The following SLC37A3 variants were observed in gnomAD, a reference collection of about 807,000 sequenced individuals.
SLC37A3 encodes the protein solute carrier family 37 member 3.
SLC37A3 carries 51 observed loss-of-function variants against 67.1 expected under a neutral mutation model. The observed-to-expected ratio is 0.76, with a 90% CI of 0.61 to 0.96. The LOEUF (loss-of-function observed/expected upper bound fraction) is 0.96, where lower values mean the gene tolerates loss of function less well. Among genes scored for constraint, SLC37A3 ranks in the 40% least tolerant of loss-of-function variants. The pLI, the probability that SLC37A3 is intolerant of heterozygous loss-of-function variation, is 0.00. For missense variants in SLC37A3, 508 were observed against 603.0 expected, an observed-to-expected ratio of 0.84 and a Z score of 1.65; for synonymous variants, 214 against 231.4, an observed-to-expected ratio of 0.92 and a Z score of 0.68.
chr7:140,394,435 T>C (rs570388554), intron 1 of SLC37A3, among the ~76,000 whole-genome samples: 46 of 151,758 alleles, frequency 3.0e-4, no homozygotes, highest in African/African-American at 9.9e-4. Flanking sequence ...CTTGGCAACA[T>C]AGGGAGACCT....
chr7:140,367,710 A>G (rs1360148058), intron 4 of SLC37A3, among the ~76,000 whole-genome samples: 2 of 152,104 alleles, frequency 1.3e-5, no homozygotes, highest in Non-Finnish European at 2.9e-5. Context: ...CATCCACCAC[A>G]GCTGTTCCTA....
Position 140,346,016 on chromosome 7 carries a change from C to T in SLC37A3, c.1025-46G>A, listed in dbSNP as rs746002379. On this transcript the variant is annotated intron_variant, in intron 10 of 14. Coordinates refer to ENST00000326232, the MANE Select transcript of SLC37A3 (RefSeq NM_207113.3). ...AATCAAAATCACTTCTAATTTAGCT[C>T]GCTCACCTGAGGCGTGCTCCCCATT... The T allele has an allele frequency of 3.7e-5, 53 of 1,424,216 alleles. 1 individual carries two copies. The highest frequency in any genetic ancestry group is 2.2e-4 in the South Asian group (19 of 87,152). The allele number at this position is 1,424,216 out of a possible 1,614,324, so 88.2% of individuals were successfully genotyped here. A position where few individuals can be genotyped will look rare whatever the true frequency, so the allele number is the denominator to read the frequency against.
chr7:140,375,894 C>T (rs978462461), intron 3 of SLC37A3, among the ~76,000 whole-genome samples: 3 of 152,214 alleles, frequency 2.0e-5, no homozygotes. Flanking sequence ...CAATTTGGGG[C>T]CCTAAATGTC....
intron 13 of SLC37A3, 61 bp from the exon 14 acceptor site, chr7:140,337,410 T>A: frequency 7.3e-7 from 1 of 1,363,422 alleles, no homozygotes; most frequent in Non-Finnish European, 1.0e-6. Flanking sequence ...AGGAAGCAGC[T>A]AAAAAGTAGA....
chr7:140,360,088 G>A (rs1797206077), intron 5 of SLC37A3, among the ~76,000 whole-genome samples: 1 of 152,144 alleles, frequency 6.6e-6, no homozygotes, highest in Non-Finnish European at 1.5e-5. Flanking sequence ...GACTTGTGCC[G>A]GTAATTCCAG....
intron 6 of SLC37A3, among the ~76,000 whole-genome samples, chr7:140,358,024 C>G (rs1308555344): frequency 6.6e-6 from 1 of 151,942 alleles, no homozygotes; most frequent in Non-Finnish European, 1.5e-5. Context: ...TGCAGTGAGC[C>G]GAGATCACCC....
intron 7 of SLC37A3, among the ~76,000 whole-genome samples, chr7:140,354,192 C>G (rs575554259): frequency 6.6e-6 from 1 of 152,196 alleles, no homozygotes; most frequent in Non-Finnish European, 1.5e-5. Context: ...AATAAAGAAT[C>G]TTGTAGATGC....
chr7:140,375,693 TA>T (rs1330977508), intron 3 of SLC37A3, among the ~76,000 whole-genome samples: 1 of 152,098 alleles, frequency 6.6e-6, no homozygotes, highest in African/African-American at 2.4e-5. Context: ...TAACAAAAAA[TA>T]AAATCCCCAA....
intron 13 of SLC37A3, among the ~76,000 whole-genome samples, chr7:140,342,342 A>G (rs1289053572): frequency 1.3e-5 from 2 of 152,166 alleles, no homozygotes; most frequent in African/African-American, 4.8e-5. Context: ...AGCCTAAAAG[A>G]CAAATCCTTC....
Position 140,394,098 on chromosome 7 carries a change from T to C in SLC37A3, c.-71+4318A>G, listed in dbSNP as rs1305723025. 2.6e-5 allele frequency among the ~76,000 whole-genome samples: 4 copies of C among 151,864 alleles called. No individual in the cohort carries two copies. The East Asian group carries it at 5.8e-4, about 22-fold the overall frequency. On this transcript the variant is annotated intron_variant, in intron 1 of 14. Transcript: ENST00000326232. ...AGGCGGGAGGATCGCTTGAACCCGG[T>C]AGGTGGAGACTGAAGTGAGCCAAGG...
intron 1 of SLC37A3, among the ~76,000 whole-genome samples, chr7:140,389,521 T>C (rs1298493788): frequency 6.6e-6 from 1 of 152,150 alleles, no homozygotes; most frequent in Non-Finnish European, 1.5e-5. Context: ...CCCCGACTGC[T>C]CGGGGAGACT....
rs762021163 is a variant in SLC37A3, at chr7:140,369,654, C to T, written c.227G>A (p.Ser76Asn). The change falls in exon 4 of 15, where the codon AGT becomes AAT. Residue 76 changes from serine to asparagine, a missense_variant. By Grantham distance (46) the Ser-to-Asn change is conservative. Coordinates refer to ENST00000326232, the MANE Select transcript of SLC37A3 (RefSeq NM_207113.3). Reference protein sequence around the residue: ...EIWSSNHLFPSAEKATLFLGT... With the variant: ...EIWSSNHLFPNAEKATLFLGT... ...GAGGAAAAGAGTCGCTTTCTCTGCA[C>T]TGGGGAACAAATGGTTGCTGCTCCA... 6.2e-7 allele frequency: 1 copy of T among 1,613,948 alleles called. No individual in the cohort carries two copies. The highest frequency in any genetic ancestry group is 1.7e-5 in the Admixed American group (1 of 59,994).
Position 140,337,098 on chromosome 7 carries a change from C to CAAAA in SLC37A3, c.1392+182_1392+185dup, listed in dbSNP as rs1172096190. ...TGGGCAACAGAGCGAGACTCTGCCT[C>CAAAA]AAAAAAAAAAAAAAAAAAAAAGAAG... On this transcript the variant is annotated intron_variant, in intron 14 of 14. Coordinates refer to ENST00000326232, the MANE Select transcript of SLC37A3 (RefSeq NM_207113.3). 3.3e-3 allele frequency among the ~76,000 whole-genome samples: 223 copies of CAAAA among 68,310 alleles called. 1 individual carries two copies. The highest frequency in any genetic ancestry group is 8.8e-3 in the Middle Eastern group (1 of 114). The allele number at this position is 68,310 out of a possible 152,430, so 44.8% of individuals were successfully genotyped here.
At chr7:140,364,565 A>G (rs1797523984) in intron 4 of SLC37A3, 74 bp from the exon 5 acceptor site, 1 of 1,313,070 alleles carries the variant, frequency 7.6e-7, no homozygotes, top group Non-Finnish European at 1.1e-6. Context: ...ACTGCAAAGC[A>G]AATGAGACAA....
chr7:140,358,765 G>A lies in SLC37A3; in HGVS notation c.396C>T (p.Leu132=), dbSNP rs779812010. The change falls in exon 6 of 15, where the codon CTC becomes CTT. Residue 132 remains leucine, a synonymous_variant. Transcript: ENST00000326232. The part of the protein sequence containing the change: ...SALVVFVFGA[L]TEWLRFYNKW... ...TGTTGTAGAAACGCAGCCATTCTGT[G>A]AGCGCACCAAAGACAAACACCTTGA... The A allele has an allele frequency of 1.3e-5, 21 of 1,613,942 alleles. No homozygotes were observed. The highest frequency in any genetic ancestry group is 1.6e-4 in the Middle Eastern group (1 of 6,084).
chr7:140,337,706 A>G (rs138116285), intron 13 of SLC37A3: 48 of 167,670 alleles, frequency 2.9e-4, no homozygotes, highest in African/African-American at 1.1e-3. Context: ...TTTGTCTTTA[A>G]GTATGCCACT....
intron 11 of SLC37A3, 54 bp downstream of exon 11, chr7:140,345,815 A>T: frequency 1.4e-6 from 2 of 1,416,266 alleles, no homozygotes; most frequent in South Asian, 2.3e-5. Flanking sequence ...CAAATGCCTT[A>T]TTCCAACCAG....
At chr7:140,341,941 G>A (rs545835850) in intron 13 of SLC37A3, among the ~76,000 whole-genome samples, 88 of 152,258 alleles carry the variant, frequency 5.8e-4, no homozygotes, top group African/African-American at 1.8e-3. Context: ...TCAGGTAAGC[G>A]TATTTTTCAA....
chr7:140,380,427 A>C, intron 2 of SLC37A3, 37 bp from the exon 3 acceptor site: 1 of 1,389,886 alleles, frequency 7.2e-7, no homozygotes, highest in Non-Finnish European at 1.0e-6. Context: ...ATGAATAGCA[A>C]AGAGAAACAG....
Sources: gnomAD v4.1 joint callset for allele counts (sites outside exome capture counted in the v4.1 genomes callset) on GRCh38, gnomAD v4.1.1 for gene constraint, MANE v1.5 for transcripts, NCBI Gene and HGNC (gene_info 2026-07-23, HGNC 2026-07-21) for gene names.